TBC1D31: variants seen among roughly 807,000 people sequenced by gnomAD.
TBC1D31 encodes the protein TBC1 domain family member 31.
In TBC1D31, 99 loss-of-function variants were observed where a neutral mutation model predicts 132.9. That is an observed-to-expected ratio of 0.74 (90% CI 0.63 to 0.88). The LOEUF (loss-of-function observed/expected upper bound fraction) is 0.88. Ranked by LOEUF, TBC1D31 falls within the 40% of genes least tolerant of loss-of-function variation. TBC1D31 has a pLI of 0.00. For synonymous variants in TBC1D31, 385 were observed against 419.4 expected (o/e 0.92, Z 1.00); for missense variants, 1,134 against 1,256.6 (o/e 0.90, Z 1.48).
At chr8:123,135,114 G>C (rs1056178536) in intron 17 of TBC1D31, among the ~76,000 whole-genome samples, 1 of 152,120 alleles carries the variant, frequency 6.6e-6, no homozygotes, top group African/African-American at 2.4e-5. Context: ...TGCCCAGGCT[G>C]GTCCCAAACT....
At chr8:123,131,489 TG>T (rs1820624202) in intron 16 of TBC1D31, among the ~76,000 whole-genome samples, 1 of 152,194 alleles carries the variant, frequency 6.6e-6, no homozygotes, top group Admixed American at 6.5e-5. Context: ...CATTATACAT[TG>T]TTTTTGTAAC....
chr8:123,082,617 T>C (rs535319416), intron 2 of TBC1D31, 85 bp from the exon 3 acceptor site: 1 of 959,850 alleles, frequency 1.0e-6, no homozygotes, highest in African/African-American at 1.7e-5. Context: ...TGGGTTTCAT[T>C]TTCTTCGTCT....
intron 17 of TBC1D31, among the ~76,000 whole-genome samples, chr8:123,139,841 A>C (rs1202130660): frequency 6.6e-6 from 1 of 152,182 alleles, no homozygotes; most frequent in Admixed American, 6.5e-5. Context: ...CAAGATACTC[A>C]ACAGTTTGCT....
At chr8:123,095,162 T>C (rs1008725280) in intron 5 of TBC1D31, among the ~76,000 whole-genome samples, 7 of 152,246 alleles carry the variant, frequency 4.6e-5, no homozygotes, top group African/African-American at 1.4e-4. Flanking sequence ...CTGTATTTTC[T>C]AAAAACTGGA....
chr8:123,140,699 G>T, intron 17 of TBC1D31, 62 bp from the exon 18 acceptor site: 1 of 1,383,628 alleles, frequency 7.2e-7, no homozygotes, highest in Non-Finnish European at 9.9e-7. Flanking sequence ...TCTGAAAAAA[G>T]TCATTTTTGT....
Position 123,151,945 on chromosome 8 carries a change from A to C in TBC1D31, c.*6A>C, listed in dbSNP as rs762228912. 3 of 1,521,762 alleles carry C rather than the reference A, an allele frequency of 2.0e-6. No individual in the cohort carries two copies. Among genetic ancestry groups the C allele is most frequent in the South Asian group, 1.4e-5 (1 of 73,802 alleles). The allele number at this position is 1,521,762 out of a possible 1,614,324, so 94.3% of individuals were successfully genotyped here. A position where few individuals can be genotyped will look rare whatever the true frequency, so the allele number is the denominator to read the frequency against. On this transcript the variant is annotated 3_prime_UTR_variant, in exon 22 of 22. Coordinates refer to ENST00000287380, the MANE Select transcript of TBC1D31 (RefSeq NM_145647.4). ...CTCATCTTTTGGCTGCATAGAATGC[A>C]TGTCACCTTGAGACGGTCGAGAGAG... is the stretch of plus-strand genomic sequence containing the variant.
rs763593130 is a variant in TBC1D31 at position 123,072,860 on chromosome 8, C to G, written c.77+14C>G. On this transcript the variant is annotated intron_variant, in intron 1 of 21. Transcript: ENST00000287380. ...CACGCGGGACGGGTAAAGGCCGTGG[C>G]GGGAGGGCGCGGGCTGTGGAGGGGA... The G allele has an allele frequency of 7.1e-6, 11 of 1,554,232 alleles. No individual in the cohort carries two copies. In the African/African-American group the frequency reaches 1.4e-4, roughly 19 times the overall value.
At chr8:123,148,234 CAGTAGCTCT>C (rs1443789960) in intron 20 of TBC1D31, among the ~76,000 whole-genome samples, 3 of 152,098 alleles carry the variant, frequency 2.0e-5, no homozygotes, top group African/African-American at 7.2e-5. Context: ...ATAATTCCGT[CAGTAGCTCT>C]AGGGTAGAAA....
intron 17 of TBC1D31, among the ~76,000 whole-genome samples, chr8:123,135,851 G>T (rs1586715465): frequency 6.6e-6 from 1 of 152,108 alleles, no homozygotes; most frequent in Admixed American, 6.5e-5. Flanking sequence ...TTTTCTTTGG[G>T]GGTGGAGGAT....
chr8:123,109,649 A>G, intron 10 of TBC1D31, 29 bp downstream of exon 10: 1 of 1,550,534 alleles, frequency 6.4e-7, no homozygotes, highest in Non-Finnish European at 8.7e-7. Context: ...AGCAATGTGT[A>G]TGAGACCTGT....
chr8:123,104,379 T>A (rs1817727205), intron 7 of TBC1D31, among the ~76,000 whole-genome samples: 1 of 152,174 alleles, frequency 6.6e-6, no homozygotes, highest in Non-Finnish European at 1.5e-5. Context: ...ATATATGTGT[T>A]TTTAATAAAA....
At position 123,082,757 on chromosome 8, in the gene TBC1D31, C is replaced by G. The variant is rs375186187; in HGVS notation, c.280C>G (p.Arg94Gly). ...TTGCACAGCTCTGGCCTTTAATCTT[C>G]GTAGGAAATCTGAATTCCTTGTGGC... ...QACTALAFNL[R>G]RKSEFLVALA... Residue 94 changes from arginine (R) to glycine (G), a missense_variant, in exon 3 of 22, where the codon CGT becomes GGT. Coordinates refer to ENST00000287380, the MANE Select transcript of TBC1D31 (RefSeq NM_145647.4). The G allele has an allele frequency of 6.2e-7, 1 of 1,613,200 alleles. No homozygotes were observed. The highest frequency in any genetic ancestry group is 8.5e-7 in the Non-Finnish European group (1 of 1,179,988).
intron 7 of TBC1D31, among the ~76,000 whole-genome samples, chr8:123,101,389 C>G (rs1817400703): frequency 6.6e-6 from 1 of 151,946 alleles, no homozygotes; most frequent in African/African-American, 2.4e-5. Flanking sequence ...AGTCATATAA[C>G]TTGTTTGTTT....
At chr8:123,163,944 C>T in the TBC1D31 span, among the ~76,000 whole-genome samples, 2 of 152,196 alleles carry the variant, frequency 1.3e-5, no homozygotes, top group Non-Finnish European at 2.9e-5. Context: ...ACTCTGTGCT[C>T]ATTAAGCAAT....
At chr8:123,144,631 G>A (rs1234805176) in intron 19 of TBC1D31, 86 bp from the exon 20 acceptor site, 1 of 1,284,854 alleles carries the variant, frequency 7.8e-7, no homozygotes, top group Non-Finnish European at 1.1e-6. Flanking sequence ...AAAGTGGATA[G>A]AGAAGACAGA....
intron 10 of TBC1D31, among the ~76,000 whole-genome samples, chr8:123,109,961 C>T (rs910019326): frequency 2.6e-5 from 4 of 151,954 alleles, no homozygotes; most frequent in African/African-American, 9.7e-5. Flanking sequence ...GGTGTGGTGG[C>T]GGGCATCTAT....
chr8:123,148,288 A>C, intron 20 of TBC1D31, among the ~76,000 whole-genome samples: 1 of 152,236 alleles, frequency 6.6e-6, no homozygotes, highest in East Asian at 1.9e-4. Flanking sequence ...AAGTTTCACG[A>C]GTGAATATCC....
At chr8:123,142,485 T>C in intron 19 of TBC1D31, 29 bp downstream of exon 19, 1 of 1,424,268 alleles carries the variant, frequency 7.0e-7, no homozygotes, top group Non-Finnish European at 9.3e-7. Context: ...AACTTTTTAA[T>C]ATCAAGCATT....
At chr8:123,081,885 A>G (rs200281438) in intron 2 of TBC1D31, among the ~76,000 whole-genome samples, 2 of 15,434 alleles carry the variant, frequency 1.3e-4, no homozygotes, top group Non-Finnish European at 3.7e-4. Context: ...CTCCCACAAC[A>G]TGTGGGAATT....
Sources: allele counts gnomAD v4.1 joint callset (sites outside exome capture counted in the v4.1 genomes callset), GRCh38; gene constraint gnomAD v4.1.1; transcripts MANE v1.5; gene names NCBI Gene and HGNC (gene_info 2026-07-23, HGNC 2026-07-21).